The following MALRD1 variants were observed in gnomAD, a reference collection of about 807,000 sequenced individuals.
MALRD1 encodes MAM and LDL receptor class A domain containing 1, also known as MAM and LDL-receptor class A domain-containing protein 1.
MALRD1 carries 247 observed loss-of-function variants against 242.1 expected under a neutral mutation model. The observed-to-expected ratio is 1.02, with a 90% confidence interval of 0.92 to 1.13. The LOEUF (loss-of-function observed/expected upper bound fraction) is 1.13. MALRD1 is among the 50% of genes most tolerant of loss of function. MALRD1 has a pLI of 0.00. For synonymous variants in MALRD1, 995 were observed against 866.6 expected, an observed-to-expected ratio of 1.15 and a Z score of -2.60; for missense variants, 2,989 against 2,533.1, an observed-to-expected ratio of 1.18 and a Z score of -3.86.
chr10:19,638,852 T>C (rs1318931165), intron 36 of MALRD1, among the ~76,000 whole-genome samples: 1 of 152,208 alleles, frequency 6.6e-6, no homozygotes, highest in Non-Finnish European at 1.5e-5. Context: ...GCAAACAGTT[T>C]AACTTCCTTT....
Position 19,066,719 on chromosome 10 carries a change from G to A in MALRD1, c.200G>A (p.Cys67Tyr). 1 of 1,233,556 alleles carries A rather than the reference G, an allele frequency of 8.1e-7. No individual in the cohort carries two copies. Among genetic ancestry groups the A allele is most frequent in the Middle Eastern group, 2.1e-4 (1 of 4,838 alleles). 76.4% of individuals were successfully genotyped at this position (1,233,556 alleles called of 1,614,324 possible). ...QCGDSSDERH[C>Y]LNYERCDFED... ...ACCAACTTTTCTTCTTTCTCATTAG[G>A]TTTGAATTATGAAAGATGTGATTTT... The change falls in exon 2 of 40, where the codon TGT (cysteine) becomes TAT (tyrosine). Residue 67 changes from cysteine (C) to tyrosine (Y), a missense_variant and splice_region_variant. Coordinates refer to ENST00000454679, the MANE Select transcript of MALRD1 (RefSeq NM_001142308.3).
chr10:19,494,965 C>T (rs1045676474), intron 30 of MALRD1, among the ~76,000 whole-genome samples: 3 of 150,648 alleles, frequency 2.0e-5, no homozygotes, highest in African/African-American at 5.0e-5. Flanking sequence ...ATCCACAAGA[C>T]ACATAATCAT....
At chr10:19,059,846 C>G (rs1050470558) in intron 1 of MALRD1, among the ~76,000 whole-genome samples, 3 of 152,038 alleles carry the variant, frequency 2.0e-5, no homozygotes, top group Non-Finnish European at 4.4e-5. Context: ...TTCTTTCTTT[C>G]TCATTTCTAT....
At chr10:19,498,715 G>A in intron 31 of MALRD1, 69 bp downstream of exon 31, 1 of 1,479,790 alleles carries the variant, frequency 6.8e-7, no homozygotes, top group South Asian at 1.3e-5. Flanking sequence ...CAATTTGTGT[G>A]AATTTCAGTG....
At chr10:19,247,091 A>C (rs17666530) in intron 18 of MALRD1, among the ~76,000 whole-genome samples, 20,177 of 152,090 alleles carry the variant, frequency 0.13, 1,675 homozygotes, top group Admixed American at 0.27. Flanking sequence ...AATCAAAAAT[A>C]GTTGATTTGC....
chr10:19,238,397 AT>A (rs1213549400), intron 18 of MALRD1, among the ~76,000 whole-genome samples: 1 of 90,702 alleles, frequency 1.1e-5, no homozygotes, highest in African/African-American at 4.4e-5. Flanking sequence ...TATATATGTT[AT>A]ATATTATGTA....
chr10:19,554,210 A>G (rs1835613466), intron 32 of MALRD1, among the ~76,000 whole-genome samples: 1 of 152,114 alleles, frequency 6.6e-6, no homozygotes, highest in Non-Finnish European at 1.5e-5. Context: ...GTTTTGGCTC[A>G]CAGTTCTGTA....
intron 12 of MALRD1, among the ~76,000 whole-genome samples, chr10:19,162,481 G>A (rs531880529): frequency 2.0e-5 from 3 of 152,254 alleles, no homozygotes; most frequent in Admixed American, 6.5e-5. Context: ...AAGGTTTAGT[G>A]TTCTGCTACT....
chr10:19,118,268 A>G (rs2131369581), intron 5 of MALRD1, among the ~76,000 whole-genome samples: 1 of 152,354 alleles, frequency 6.6e-6, no homozygotes, highest in South Asian at 2.1e-4. Flanking sequence ...TCTGAGCCAA[A>G]CATGAGTGAT....
chr10:19,566,322 T>A (rs1279893501), intron 32 of MALRD1, among the ~76,000 whole-genome samples: 3 of 143,310 alleles, frequency 2.1e-5, no homozygotes, highest in Admixed American at 1.4e-4. Context: ...TTTTTTTTTT[T>A]TGTATTTTTA....
intron 36 of MALRD1, among the ~76,000 whole-genome samples, chr10:19,661,474 T>C (rs894323510): frequency 6.6e-6 from 1 of 152,214 alleles, no homozygotes. Flanking sequence ...GATGAGTTCA[T>C]GTCCTTTGTA....
chr10:19,219,112 TC>T (rs1837453987), intron 18 of MALRD1, among the ~76,000 whole-genome samples: 1 of 152,148 alleles, frequency 6.6e-6, no homozygotes, highest in Admixed American at 6.5e-5. Flanking sequence ...TCTATTTTTT[TC>T]CCACGTTTTC....
At chr10:19,429,155 A>G (rs1410368932) in intron 28 of MALRD1, among the ~76,000 whole-genome samples, 4 of 152,238 alleles carry the variant, frequency 2.6e-5, no homozygotes. Flanking sequence ...GGGACTGTAA[A>G]TATGTATTAC....
chr10:19,237,927 TG>T (rs1838452346), intron 18 of MALRD1, among the ~76,000 whole-genome samples: 1 of 25,620 alleles, frequency 3.9e-5, no homozygotes. Flanking sequence ...TATAATTATA[TG>T]TAATTTTATA....
intron 11 of MALRD1, among the ~76,000 whole-genome samples, chr10:19,147,697 T>A (rs1165544468): frequency 6.6e-6 from 1 of 152,212 alleles, no homozygotes; most frequent in Non-Finnish European, 1.5e-5. Flanking sequence ...AGCAAGGAAT[T>A]GCAATCGGTT....
chr10:19,286,129 C>T (rs995129045), intron 21 of MALRD1, among the ~76,000 whole-genome samples: 2 of 137,220 alleles, frequency 1.5e-5, no homozygotes. Context: ...GCTGAAGTTG[C>T]TTATCAGCTT....
intron 36 of MALRD1, among the ~76,000 whole-genome samples, chr10:19,688,184 G>A (rs573992359): frequency 6.6e-6 from 1 of 152,252 alleles, no homozygotes; most frequent in Non-Finnish European, 1.5e-5. Context: ...TGGCCAGGCT[G>A]GTCTTGGAAC....
intron 6 of MALRD1, among the ~76,000 whole-genome samples, 184 bp from the exon 7 acceptor site, chr10:19,124,340 T>G (rs965081889): frequency 1.2e-4 from 19 of 152,172 alleles, no homozygotes; most frequent in African/African-American, 4.3e-4. Context: ...AACTGAGAAA[T>G]TTTTGCAAAA....
At chr10:19,124,711 ATTC>A in intron 7 of MALRD1, 41 bp downstream of exon 7, 1 of 1,229,300 alleles carries the variant, frequency 8.1e-7, no homozygotes, top group Non-Finnish European at 1.0e-6. Flanking sequence ...TACTTTCAGA[ATTC>A]TGCTTTATGG....
Sources: gnomAD v4.1 joint callset for allele counts (sites outside exome capture counted in the v4.1 genomes callset) on GRCh38, gnomAD v4.1.1 for gene constraint, MANE v1.5 for transcripts, NCBI Gene and HGNC (gene_info 2026-07-23, HGNC 2026-07-21) for gene names.